Variants in CA12 observed in about 807,000 individuals in gnomAD.
CA12 encodes the protein carbonic anhydrase 12, also known as carbonate dehydratase XII.
In CA12, 36 loss-of-function variants were observed where a neutral mutation model predicts 46.8. That is an observed-to-expected ratio of 0.77 (90% CI 0.59 to 1.02). The LOEUF (loss-of-function observed/expected upper bound fraction) is 1.02, where lower values mean the gene tolerates loss of function less well. Ranked by LOEUF, CA12 falls within the 50% of genes least tolerant of loss-of-function variation. The pLI is 0.00. For missense variants in CA12, 436 were observed against 451.4 expected (o/e 0.97, Z 0.31); for synonymous variants, 202 against 187.0 (o/e 1.08, Z -0.65).
chr15:63,333,204 G>A (rs747163204), intron 8 of CA12, among the ~76,000 whole-genome samples: 1 of 152,358 alleles, frequency 6.6e-6, no homozygotes, highest in South Asian at 2.1e-4. Context: ...TGGGGGCTGA[G>A]GCTAAGAGGG....
intron 2 of CA12, among the ~76,000 whole-genome samples, chr15:63,366,158 AAG>A (rs1491071100): frequency 7.0e-6 from 1 of 142,172 alleles, no homozygotes; most frequent in African/African-American, 2.5e-5. Context: ...AAAAAAAAAA[AAG>A]CATGTCCTGC....
At chr15:63,336,471 G>T (rs370568924) in intron 8 of CA12, among the ~76,000 whole-genome samples, 8 of 149,044 alleles carry the variant, frequency 5.4e-5, no homozygotes, top group African/African-American at 2.0e-4. Flanking sequence ...AGGATTGGCA[G>T]TTGTTAGTGT....
In CA12 at chr15:63,346,654, C is replaced by A; in HGVS notation, c.162G>T (p.Leu54=). 1 of 1,614,108 alleles carries A rather than the reference C, an allele frequency of 6.2e-7. No individual in the cohort carries two copies. The highest frequency in any genetic ancestry group is 8.5e-7 in the Non-Finnish European group (1 of 1,179,994). ...CACTGTGCAGGTCTATGGGGGACTG[C>A]AGCAGGCCCCCACACGACGGGTACT... ...SKKYPSCGGL[L]QSPIDLHSDI... The change falls in exon 3 of 11, where the codon CTG becomes CTT. Residue 54 remains leucine, a synonymous_variant. Transcript: ENST00000178638.
At chr15:63,326,879 A>G (rs1403655292) in intron 10 of CA12, among the ~76,000 whole-genome samples, 1 of 152,170 alleles carries the variant, frequency 6.6e-6, no homozygotes, top group Non-Finnish European at 1.5e-5. Flanking sequence ...AAGTCAAGAG[A>G]CTCGTCCAAG....
At position 63,340,362 on chromosome 15, in the gene CA12, G is replaced by T. The variant is rs767802833; in HGVS notation, c.673C>A (p.Leu225Met). ...TAEYYRYRGS[L>M]TTPPCNPTVL... ...GTGGGGTTGCAAGGGGGTGTGGTCA[G>T]GGACCCCCGGTAGCGGTAATATTCA... is the stretch of plus-strand genomic sequence containing the variant. Residue 225 changes from leucine (L) to methionine (M), a missense_variant, in exon 7 of 11, where the codon CTG becomes ATG. Physicochemically the swap from Leu to Met is conservative, Grantham distance 15 (BLOSUM62 2). Transcript: ENST00000178638. This position sits in a 1 kb window ranked among gnomAD's most constrained non-coding sequence, Gnocchi z 4.4. The T allele has an allele frequency of 1.4e-5, 23 of 1,614,050 alleles. No homozygotes were observed. Among genetic ancestry groups the T allele is most frequent in the Non-Finnish European group, 1.8e-5 (21 of 1,180,026 alleles).
At position 63,373,027 on chromosome 15, in the gene CA12, G is replaced by A. The variant is rs1451132043; in HGVS notation, c.106+2631C>T. 6.6e-6 allele frequency among the ~76,000 whole-genome samples: 1 copy of A among 152,156 alleles called. No individual in the cohort carries two copies. Among genetic ancestry groups the A allele is most frequent in the African/African-American group, 2.4e-5 (1 of 41,428 alleles). ...CAGGTCAGTGTGGCTGCACTGAGAA[G>A]CCCGCCCTTGGCGAACACCACGTCA... On this transcript the variant is annotated intron_variant, in intron 2 of 10. Transcript: ENST00000178638. The surrounding 1 kb of genome is among the most constrained non-coding windows in gnomAD (Gnocchi z 4.9).
intron 2 of CA12, among the ~76,000 whole-genome samples, chr15:63,365,816 A>G (rs2039428572): frequency 6.6e-6 from 1 of 152,054 alleles, no homozygotes; most frequent in African/African-American, 2.4e-5. Flanking sequence ...TAAAATGCTA[A>G]TCCCAGTTTG....
At chr15:63,381,565 T>C (rs2039645431) in intron 1 of CA12, 71 bp downstream of exon 1, 1 of 1,246,276 alleles carries the variant, frequency 8.0e-7, no homozygotes. Context: ...TACTTTATCA[T>C]TGAAGAGCCT....
intron 2 of CA12, among the ~76,000 whole-genome samples, chr15:63,363,940 C>T (rs1320009490): frequency 6.6e-6 from 1 of 152,064 alleles, no homozygotes; most frequent in Non-Finnish European, 1.5e-5. Context: ...GTAATCCTGG[C>T]ACTTTGGGAG....
chr15:63,369,019 C>A (rs1353716023), intron 2 of CA12, among the ~76,000 whole-genome samples: 1 of 152,174 alleles, frequency 6.6e-6, no homozygotes, highest in African/African-American at 2.4e-5. Flanking sequence ...GTTATGGAAC[C>A]AGATATCTGG....
At position 63,343,355 on chromosome 15, in the gene CA12, C is replaced by T. The variant is rs915734733; in HGVS notation, c.430-1258G>A. 1.0e-4 allele frequency among the ~76,000 whole-genome samples: 14 copies of T among 140,010 alleles called. 1 individual carries two copies. Among genetic ancestry groups the T allele is most frequent in the Admixed American group, 6.1e-4 (8 of 13,050 alleles). 91.9% of individuals were successfully genotyped at this position (140,010 alleles called of 152,430 possible). A position where few individuals can be genotyped will look rare whatever the true frequency, so the allele number is the denominator to read the frequency against. ...GGAGTGCAATGGCGTGATCTTGGCT[C>T]ACCGCAACCTCCGCCTCCCAGGTTC... On this transcript the variant is annotated intron_variant, in intron 4 of 10. Transcript: ENST00000178638.
intron 2 of CA12, 99 bp from the exon 3 acceptor site, chr15:63,346,808 C>T (rs2152618514): frequency 7.3e-7 from 1 of 1,374,554 alleles, no homozygotes; most frequent in East Asian, 2.3e-5. Flanking sequence ...CTTTTCTCCT[C>T]TTTTCTGAAT....
chr15:63,379,535 C>A (rs1393870060), intron 1 of CA12, among the ~76,000 whole-genome samples: 1 of 152,212 alleles, frequency 6.6e-6, no homozygotes, highest in Non-Finnish European at 1.5e-5. Context: ...AGGGAGCAGG[C>A]CCTTCCTGGA....
Position 63,340,342 on chromosome 15 carries a change from G to T in CA12, c.693C>A (p.Asn231Lys). Residue 231 changes from asparagine to lysine, a missense_variant, in exon 7 of 11, where the codon AAC (asparagine) becomes AAA (lysine). Coordinates refer to ENST00000178638, the MANE Select transcript of CA12 (RefSeq NM_001218.5). The surrounding 1 kb of genome is among the most constrained non-coding windows in gnomAD (Gnocchi z 4.4). ...YRGSLTTPPC[N>K]PTVLWTVFRN... ...GGAAAACTGTCCAGAGCACAGTGGG[G>T]TTGCAAGGGGGTGTGGTCAGGGACC... is the stretch of plus-strand genomic sequence containing the variant. 1 of 1,614,180 alleles carries T rather than the reference G, an allele frequency of 6.2e-7. No homozygotes were observed. The highest frequency in any genetic ancestry group is 1.1e-5 in the South Asian group (1 of 91,078).
chr15:63,365,651 C>T (rs1378190048), intron 2 of CA12, among the ~76,000 whole-genome samples: 1 of 152,350 alleles, frequency 6.6e-6, no homozygotes, highest in East Asian at 1.9e-4. Context: ...TGTTGGGTAT[C>T]TACATTTCTG....
Position 63,321,629 on chromosome 15 carries a change from C to T in CA12, c.*4656G>A, listed in dbSNP as rs550028126. The T allele has an allele frequency of 1.3e-5, 2 of 152,338 alleles. No individual in the cohort carries two copies. The highest frequency in any genetic ancestry group is 3.9e-4 in the East Asian group (2 of 5,168). 9.4% of individuals were successfully genotyped at this position (152,338 alleles called of 1,614,324 possible). A position where few individuals can be genotyped will look rare whatever the true frequency, so the allele number is the denominator to read the frequency against. ...ACGCACTGGCAGGTGGTCCCTGTGC[C>T]CCAGAGGCCCCGTTTCCTTCCGGAA... On this transcript the variant is annotated 3_prime_UTR_variant, in exon 11 of 11. Coordinates refer to ENST00000178638, the MANE Select transcript of CA12 (RefSeq NM_001218.5). This position sits in a 1 kb window ranked among gnomAD's most constrained non-coding sequence, Gnocchi z 4.5.
intron 2 of CA12, among the ~76,000 whole-genome samples, chr15:63,358,979 A>C (rs2039327197): frequency 6.6e-6 from 1 of 151,256 alleles, no homozygotes; most frequent in Non-Finnish European, 1.5e-5. Context: ...TGCTTTGTTG[A>C]ATTGTCCTCC....
intron 8 of CA12, among the ~76,000 whole-genome samples, chr15:63,336,166 T>C (rs2039000769): frequency 1.3e-5 from 2 of 152,196 alleles, no homozygotes; most frequent in Non-Finnish European, 2.9e-5. Context: ...TGGGCTTTGA[T>C]CTTGACGTCC....
rs1015399996 is a variant in CA12 at position 63,373,826 on chromosome 15, T to C, written c.106+1832A>G. On this transcript the variant is annotated intron_variant, in intron 2 of 10. Coordinates refer to ENST00000178638, the MANE Select transcript of CA12 (RefSeq NM_001218.5). This position sits in a 1 kb window ranked among gnomAD's most constrained non-coding sequence, Gnocchi z 4.9. ...CTGAAATGGCTTACTGGGGATCATATGGAATAAAGCCCAGAACCCAAGTGC... is the reference window on the plus strand; with the variant it reads ...CTGAAATGGCTTACTGGGGATCATACGGAATAAAGCCCAGAACCCAAGTGC... Among the ~76,000 whole-genome samples the C allele has an allele frequency of 6.6e-6, 1 of 152,154 alleles. No homozygotes were observed. The highest frequency in any genetic ancestry group is 2.4e-5 in the African/African-American group (1 of 41,428).
Sources: allele counts gnomAD v4.1 joint callset (sites outside exome capture counted in the v4.1 genomes callset), GRCh38; gene constraint gnomAD v4.1.1; non-coding constraint Gnocchi (gnomAD v3.1); transcripts MANE v1.5; gene names NCBI Gene and HGNC (gene_info 2026-07-23, HGNC 2026-07-21).